The following NPAS2 variants were observed in gnomAD, a reference collection of about 807,000 sequenced individuals.
NPAS2 encodes neuronal PAS domain protein 2, also known as neuronal PAS domain-containing protein 2.
NPAS2 carries 23 observed loss-of-function variants against 107.5 expected under a neutral mutation model. The ratio of observed to expected loss-of-function variants is 0.21; its 90% CI spans 0.15 to 0.30. NPAS2 has a LOEUF of 0.30. Among genes scored for constraint, NPAS2 ranks in the 10% least tolerant of loss-of-function variants. NPAS2 has a pLI of 1.00. For synonymous variants in NPAS2, 403 were observed against 417.5 expected (o/e 0.97, Z 0.42); for missense variants, 756 against 1,043.3 (o/e 0.72, Z 3.79).
chr2:100,941,935 G>A (rs1185184054), intron 5 of NPAS2, among the ~76,000 whole-genome samples: 2 of 152,086 alleles, frequency 1.3e-5, no homozygotes, highest in African/African-American at 4.8e-5. Context: ...AGCTCTTAAG[G>A]CAGACATCAT....
At chr2:100,838,862 G>A (rs1677225571) in intron 1 of NPAS2, among the ~76,000 whole-genome samples, 2 of 152,080 alleles carry the variant, frequency 1.3e-5, no homozygotes, top group African/African-American at 4.8e-5. Flanking sequence ...AATATACAGA[G>A]AAGAGATTAA....
intron 1 of NPAS2, among the ~76,000 whole-genome samples, chr2:100,877,673 T>G (rs1680068694): frequency 6.6e-6 from 1 of 152,142 alleles, no homozygotes; most frequent in East Asian, 1.9e-4. Flanking sequence ...CACAGCACCA[T>G]GTGCATTTTC....
At chr2:100,892,873 A>C (rs1573560803) in intron 1 of NPAS2, among the ~76,000 whole-genome samples, 1 of 151,930 alleles carries the variant, frequency 6.6e-6, no homozygotes, top group Non-Finnish European at 1.5e-5. Context: ...GTGCACCAAC[A>C]CACCCGGCTA....
intron 2 of NPAS2, among the ~76,000 whole-genome samples, chr2:100,919,223 T>G (rs1421008320): frequency 6.6e-6 from 1 of 152,152 alleles, no homozygotes; most frequent in Non-Finnish European, 1.5e-5. Context: ...GGCCAGAGTT[T>G]TGTGGGAGTG....
At chr2:100,925,745 T>C (rs1458478811) in intron 3 of NPAS2, among the ~76,000 whole-genome samples, 2 of 152,190 alleles carry the variant, frequency 1.3e-5, no homozygotes, top group Non-Finnish European at 2.9e-5. Flanking sequence ...AAAAAATACA[T>C]TGAAAAGAAT....
intron 16 of NPAS2, chr2:100,984,555 T>G (rs540127001): frequency 6.6e-6 from 1 of 152,276 alleles, no homozygotes; most frequent in African/African-American, 2.4e-5. Flanking sequence ...TCTGTGAGTG[T>G]AGGATTGGTT....
At chr2:100,858,761 C>G (rs1678743390) in intron 1 of NPAS2, among the ~76,000 whole-genome samples, 1 of 152,118 alleles carries the variant, frequency 6.6e-6, no homozygotes, top group Non-Finnish European at 1.5e-5. Context: ...TGAAAATAGT[C>G]CTAATTACTG....
At chr2:100,940,366 T>C (rs564489774) in intron 5 of NPAS2, among the ~76,000 whole-genome samples, 1 of 152,274 alleles carries the variant, frequency 6.6e-6, no homozygotes, top group African/African-American at 2.4e-5. Context: ...TTTGGTTTAC[T>C]TAGATGCATA....
chr2:100,894,141 G>A (rs1681256736), intron 1 of NPAS2, among the ~76,000 whole-genome samples: 1 of 152,230 alleles, frequency 6.6e-6, no homozygotes, highest in African/African-American at 2.4e-5. Context: ...TTGTGTAGTA[G>A]GTGGCTGTGA....
chr2:100,934,744 C>T (rs1684190656), intron 4 of NPAS2: 1 of 980,190 alleles, frequency 1.0e-6, no homozygotes, highest in Non-Finnish European at 1.2e-6. Context: ...GTGGCCTGAG[C>T]CCCAGCTGTG....
chr2:100,890,690 G>A (rs1680995461), intron 1 of NPAS2, among the ~76,000 whole-genome samples: 1 of 152,114 alleles, frequency 6.6e-6, no homozygotes, highest in South Asian at 2.1e-4. Context: ...TGGAAGGAGT[G>A]GAGGAGGATC....
intron 1 of NPAS2, among the ~76,000 whole-genome samples, chr2:100,889,445 C>T (rs1383213879): frequency 6.6e-6 from 1 of 152,196 alleles, no homozygotes; most frequent in Non-Finnish European, 1.5e-5. Flanking sequence ...GTGTGACATT[C>T]GAGGAGACGA....
rs116033615 is a variant in NPAS2 at position 100,940,804 on chromosome 2, C to T, written c.363+2962C>T. On this transcript the variant is annotated intron_variant, in intron 5 of 20. Transcript: ENST00000335681. Reference sequence around the variant, plus strand: ...CTTAACCACTCCTCAGAATCCTATACGGGACACAGTAAAGCTGAATGTTCT... The same window carrying T: ...CTTAACCACTCCTCAGAATCCTATATGGGACACAGTAAAGCTGAATGTTCT... Among the ~76,000 whole-genome samples the T allele has an allele frequency of 2.2e-3, 331 of 152,282 alleles. 1 individual carries two copies. Among genetic ancestry groups the T allele is most frequent in the African/African-American group, 7.2e-3 (300 of 41,556 alleles).
rs569055123 is a variant in NPAS2, at chr2:100,887,193, A to G, written c.-22-17540A>G. 1.4e-3 allele frequency among the ~76,000 whole-genome samples: 214 copies of G among 152,328 alleles called. 1 individual carries two copies. The highest frequency in any genetic ancestry group is 4.9e-3 in the African/African-American group (205 of 41,582). ...TGCTGGGCCCTCCTGAGACAACCCCAATCCAGACACTAGCTCCTATAAGTA... is the reference window on the plus strand; with the variant it reads ...TGCTGGGCCCTCCTGAGACAACCCCGATCCAGACACTAGCTCCTATAAGTA... On this transcript the variant is annotated intron_variant, in intron 1 of 20. Coordinates refer to ENST00000335681, the MANE Select transcript of NPAS2 (RefSeq NM_002518.4).
chr2:100,878,092 C>T (rs1344171340), intron 1 of NPAS2: 2 of 985,272 alleles, frequency 2.0e-6, no homozygotes, highest in Non-Finnish European at 2.4e-6. Context: ...CAGCATTCCC[C>T]TATGTCCACG....
chr2:100,955,032 G>T (rs1052686826), intron 7 of NPAS2, among the ~76,000 whole-genome samples: 1 of 152,128 alleles, frequency 6.6e-6, no homozygotes, highest in East Asian at 1.9e-4. Flanking sequence ...CATGTGCCGC[G>T]ATGCCTGGCT....
At chr2:100,870,188 C>T (rs928227953) in intron 1 of NPAS2, among the ~76,000 whole-genome samples, 5 of 152,038 alleles carry the variant, frequency 3.3e-5, no homozygotes, top group Admixed American at 6.5e-5. Flanking sequence ...CGTGAGCCAC[C>T]GCACCTGGCC....
At chr2:100,819,048 T>C (rs1053166157), upstream of NPAS2, among the ~76,000 whole-genome samples, 4 of 152,156 alleles carry the variant, frequency 2.6e-5, no homozygotes, top group African/African-American at 4.8e-5. This position sits in a 1 kb window ranked among gnomAD's most constrained non-coding sequence, Gnocchi z 5.8. Context: ...CTCCCTCCGC[T>C]TGGCGTTTGC....
chr2:100,858,383 A>C (rs1573481267), intron 1 of NPAS2, among the ~76,000 whole-genome samples: 1 of 152,190 alleles, frequency 6.6e-6, no homozygotes, highest in Non-Finnish European at 1.5e-5. Context: ...TGCTTAAAAA[A>C]CTGCAGAGAA....
Sources: allele counts gnomAD v4.1 joint callset (sites outside exome capture counted in the v4.1 genomes callset), GRCh38; gene constraint gnomAD v4.1.1; non-coding constraint Gnocchi (gnomAD v3.1); transcripts MANE v1.5; gene names NCBI Gene and HGNC (gene_info 2026-07-23, HGNC 2026-07-21).